The following LPGAT1 variants were observed in gnomAD, a reference collection of about 807,000 sequenced individuals.
LPGAT1 encodes the protein acyl-CoA:lysophosphatidylglycerol acyltransferase 1.
LPGAT1 carries 11 observed loss-of-function variants against 47.5 expected under a neutral mutation model. That is an observed-to-expected ratio of 0.23 (90% CI 0.15 to 0.38). LPGAT1 has a LOEUF of 0.38. Ranked by LOEUF, LPGAT1 falls within the 10% of genes least tolerant of loss-of-function variation. The probability of loss-of-function intolerance (pLI) is 1.00; values close to 1 mark genes in which losing one functional copy is unlikely to be tolerated. For synonymous variants in LPGAT1, 138 were observed against 144.2 expected, an observed-to-expected ratio of 0.96 and a Z score of 0.31; for missense variants, 293 against 439.0, an observed-to-expected ratio of 0.67 and a Z score of 2.97.
At chr1:211,774,130 G>GCCTTTTT (rs1658288758) in intron 6 of LPGAT1, among the ~76,000 whole-genome samples, 1 of 14,666 alleles carries the variant, frequency 6.8e-5, no homozygotes, top group South Asian at 2.4e-3. Flanking sequence ...TTTTTTAAAA[G>GCCTTTTT]TCTTTTTTTT....
At chr1:211,778,811 G>C (rs1658518468) in intron 6 of LPGAT1, 107 bp downstream of exon 6, 1 of 885,066 alleles carries the variant, frequency 1.1e-6, no homozygotes, top group African/African-American at 1.7e-5. Context: ...GAATGAACTT[G>C]AGCCAACTAT....
intron 6 of LPGAT1, among the ~76,000 whole-genome samples, chr1:211,776,793 T>C (rs1273835252): frequency 1.3e-5 from 2 of 150,182 alleles, no homozygotes; most frequent in African/African-American, 2.4e-5. Flanking sequence ...AATCTCCCCA[T>C]AGGTGAAGAT....
rs180787055 is a variant in LPGAT1, at chr1:211,743,535, T to C, written c.*6364A>G. 1.7e-4 allele frequency: 22 copies of C among 125,834 alleles called. No individual in the cohort carries two copies. Among genetic ancestry groups the C allele is most frequent in the Middle Eastern group, 3.7e-3 (1 of 270 alleles). The allele number at this position is 125,834 out of a possible 1,614,324, so 7.8% of individuals were successfully genotyped here. A position where few individuals can be genotyped will look rare whatever the true frequency, so the allele number is the denominator to read the frequency against. On this transcript the variant is annotated 3_prime_UTR_variant, in exon 8 of 8. Transcript: ENST00000366997. Reference sequence around the variant, plus strand: ...GTCACGCCTGCTCATACAGCTGACTTCTTAGAGCCAAAAGAGAATTTTTTT... The same window carrying C: ...GTCACGCCTGCTCATACAGCTGACTCCTTAGAGCCAAAAGAGAATTTTTTT...
chr1:211,819,119 T>A (rs1444447753), intron 2 of LPGAT1, among the ~76,000 whole-genome samples: 1 of 152,166 alleles, frequency 6.6e-6, no homozygotes, highest in East Asian at 1.9e-4. Context: ...GCATGAATCT[T>A]CTGGGAAAAT....
intron 2 of LPGAT1, among the ~76,000 whole-genome samples, chr1:211,809,914 A>G (rs1269578384): frequency 1.3e-5 from 2 of 152,184 alleles, no homozygotes; most frequent in South Asian, 4.1e-4. Flanking sequence ...TCCTAAAGGT[A>G]AAGGATTACA....
chr1:211,830,527 G>A lies in LPGAT1; in HGVS notation c.-28+46C>T, dbSNP rs984065667. On this transcript the variant is annotated intron_variant, in intron 1 of 7. Coordinates refer to ENST00000366997, the MANE Select transcript of LPGAT1 (RefSeq NM_014873.3). The surrounding 1 kb of genome is among the most constrained non-coding windows in gnomAD (Gnocchi z 5.9). ...CGCCCCCAGCGCCTCCCCTGGCCCG[G>A]CTCCGCTGCCGCTCTGGGGCCTGCG... 2.0e-4 allele frequency: 246 copies of A among 1,200,842 alleles called. 1 individual carries two copies. The highest frequency in any genetic ancestry group is 3.3e-4 in the Middle Eastern group (1 of 3,044). 74.4% of individuals were successfully genotyped at this position (1,200,842 alleles called of 1,614,324 possible).
rs954194698 is a variant in LPGAT1 at position 211,830,219 on chromosome 1, G to C, written c.-28+354C>G. 9 of 983,598 alleles carry C rather than the reference G, an allele frequency of 9.2e-6. No homozygotes were observed. The highest frequency in any genetic ancestry group is 5.3e-5 in the African/African-American group (3 of 57,040). 60.9% of individuals were successfully genotyped at this position (983,598 alleles called of 1,614,324 possible). Reference sequence around the variant, plus strand: ...CGGACGGCGGGCGGCTGCGGAGAGCGGGGGCGGGTGTCCCCCGCCGAGGGG... The same window carrying C: ...CGGACGGCGGGCGGCTGCGGAGAGCCGGGGCGGGTGTCCCCCGCCGAGGGG... On this transcript the variant is annotated intron_variant, in intron 1 of 7. Coordinates refer to ENST00000366997, the MANE Select transcript of LPGAT1 (RefSeq NM_014873.3). This position sits in a 1 kb window ranked among gnomAD's most constrained non-coding sequence, Gnocchi z 5.9.
intron 4 of LPGAT1, among the ~76,000 whole-genome samples, chr1:211,785,481 T>C (rs1312693168): frequency 6.6e-6 from 1 of 152,158 alleles, no homozygotes; most frequent in Non-Finnish European, 1.5e-5. Context: ...TTGTAAACTT[T>C]CCAGAAACTT....
At position 211,795,384 on chromosome 1, in the gene LPGAT1, T is replaced by C. The variant is rs947376306; in HGVS notation, c.239-2194A>G. Among the ~76,000 whole-genome samples, 32 of 152,340 alleles carry C rather than the reference T, an allele frequency of 2.1e-4. 1 individual carries two copies. Among genetic ancestry groups the C allele is most frequent in the African/African-American group, 7.2e-4 (30 of 41,586 alleles). On this transcript the variant is annotated intron_variant, in intron 2 of 7. Coordinates refer to ENST00000366997, the MANE Select transcript of LPGAT1 (RefSeq NM_014873.3). ...TTTGTTTGTTTGGTTTTTTTGTTTT[T>C]GAGACGGAGTTTCGCTCTTGTTGCC...
chr1:211,813,353 T>A (rs1660063896), intron 2 of LPGAT1, among the ~76,000 whole-genome samples: 1 of 152,138 alleles, frequency 6.6e-6, no homozygotes, highest in Non-Finnish European at 1.5e-5. Context: ...ATATATATAT[T>A]TATGCTTATA....
intron 4 of LPGAT1, among the ~76,000 whole-genome samples, chr1:211,784,891 C>T (rs572821301): frequency 9.9e-4 from 149 of 150,790 alleles, no homozygotes; most frequent in African/African-American, 3.6e-3. Flanking sequence ...GCAAGCTCTG[C>T]CTCCCGGGTT....
At chr1:211,791,746 C>CAAAA (rs1195989474) in intron 3 of LPGAT1, among the ~76,000 whole-genome samples, 4 of 36,354 alleles carry the variant, frequency 1.1e-4, no homozygotes, top group East Asian at 7.1e-4. Flanking sequence ...GACTCCATCT[C>CAAAA]AAAAAAAAAA....
At chr1:211,807,398 C>A (rs1237540790) in intron 2 of LPGAT1, among the ~76,000 whole-genome samples, 1 of 151,902 alleles carries the variant, frequency 6.6e-6, no homozygotes, top group Non-Finnish European at 1.5e-5. Context: ...AATTTTTGCA[C>A]ATAAGTGAAT....
At position 211,829,240 on chromosome 1, in the gene LPGAT1, C is replaced by T. The variant is rs1213208449; in HGVS notation, c.57G>A (p.Leu19=). 6.2e-7 allele frequency: 1 copy of T among 1,614,222 alleles called. No individual in the cohort carries two copies. The change falls in exon 2 of 8, where the codon CTG becomes CTA. Residue 19 remains leucine (L), a synonymous_variant. Coordinates refer to ENST00000366997, the MANE Select transcript of LPGAT1 (RefSeq NM_014873.3). ...PWLGWLLVKA[L]MRFAFMVVNN... Reference sequence around the variant, plus strand: ...TGACGACCATGAAGGCAAACCTCATCAGTGCTTTCACCAAGAGCCAGCCCA... The same window carrying T: ...TGACGACCATGAAGGCAAACCTCATTAGTGCTTTCACCAAGAGCCAGCCCA...
intron 2 of LPGAT1, among the ~76,000 whole-genome samples, chr1:211,802,177 T>C (rs1461309727): frequency 6.6e-6 from 1 of 151,820 alleles, no homozygotes; most frequent in East Asian, 1.9e-4. Flanking sequence ...TCACTTCTTT[T>C]CTATGAAGCC....
chr1:211,793,919 T>A (rs1302704318), intron 2 of LPGAT1, among the ~76,000 whole-genome samples: 2 of 152,210 alleles, frequency 1.3e-5, no homozygotes, highest in African/African-American at 4.8e-5. Context: ...GGAGGATATC[T>A]CTTATTCACT....
intron 3 of LPGAT1, among the ~76,000 whole-genome samples, chr1:211,788,642 G>A (rs1437582417): frequency 5.3e-5 from 8 of 151,054 alleles, no homozygotes; most frequent in African/African-American, 9.8e-5. Context: ...AGATCGAGCC[G>A]CTGCACTCCA....
chr1:211,792,949 A>G, intron 3 of LPGAT1, 123 bp downstream of exon 3: 1 of 592,290 alleles, frequency 1.7e-6, no homozygotes. Flanking sequence ...TGACCTCATG[A>G]TCCACCCACC....
intron 2 of LPGAT1, among the ~76,000 whole-genome samples, chr1:211,823,681 T>C (rs1314094176): frequency 1.3e-5 from 2 of 152,144 alleles, no homozygotes; most frequent in African/African-American, 4.8e-5. Context: ...CTCATTCCTA[T>C]AATCCCAGCA....
Sources: allele counts gnomAD v4.1 joint callset (sites outside exome capture counted in the v4.1 genomes callset), GRCh38; gene constraint gnomAD v4.1.1; non-coding constraint Gnocchi (gnomAD v3.1); transcripts MANE v1.5; gene names NCBI Gene and HGNC (gene_info 2026-07-23, HGNC 2026-07-21).